Variants in PIK3R4 observed in about 807,000 individuals in gnomAD.
The protein encoded by PIK3R4 is phosphoinositide 3-kinase regulatory subunit 4.
Under a neutral mutation model 136.5 loss-of-function variants are expected in PIK3R4, and 46 were observed. That is an observed-to-expected ratio of 0.34 (90% confidence interval 0.27 to 0.43). The LOEUF is 0.43. Among genes scored for constraint, PIK3R4 ranks in the 20% least tolerant of loss-of-function variants. PIK3R4 has a pLI of 1.00. For synonymous variants in PIK3R4, 557 were observed against 566.7 expected, an observed-to-expected ratio of 0.98 and a Z score of 0.24; for missense variants, 1,331 against 1,649.5, an observed-to-expected ratio of 0.81 and a Z score of 3.35.
chr3:130,711,051 T>A (rs944826561), intron 9 of PIK3R4, among the ~76,000 whole-genome samples: 1 of 152,024 alleles, frequency 6.6e-6, no homozygotes, highest in African/African-American at 2.4e-5. Context: ...AGATGTTTTT[T>A]TCTACCAAAG....
chr3:130,705,518 G>A, intron 12 of PIK3R4, 43 bp downstream of exon 12: 1 of 1,240,116 alleles, frequency 8.1e-7, no homozygotes, highest in East Asian at 2.3e-5. Context: ...CTAGCCTTAA[G>A]CACCTAGACT....
intron 6 of PIK3R4, among the ~76,000 whole-genome samples, chr3:130,727,085 C>T (rs958728309): frequency 2.6e-5 from 4 of 152,130 alleles, no homozygotes; most frequent in African/African-American, 9.7e-5. Flanking sequence ...TAGAAAGTAC[C>T]CTTTCCTCCA....
chr3:130,740,309 C>T (rs537644030), intron 2 of PIK3R4, among the ~76,000 whole-genome samples: 2 of 152,242 alleles, frequency 1.3e-5, no homozygotes, highest in African/African-American at 2.4e-5. Flanking sequence ...TGTCCTGAAA[C>T]AGGCAAAATG....
chr3:130,685,927 C>T (rs1221353150), intron 15 of PIK3R4, among the ~76,000 whole-genome samples: 10 of 151,998 alleles, frequency 6.6e-5, no homozygotes, highest in Admixed American at 6.6e-4. Flanking sequence ...TAAGAGAATG[C>T]CAGCAAATCT....
In PIK3R4 at chr3:130,733,684, C is replaced by T. The variant is rs2107619631; in HGVS notation, c.1314G>A (p.Leu438=). 1.2e-6 allele frequency: 2 copies of T among 1,614,118 alleles called. No homozygotes were observed. The highest frequency in any genetic ancestry group is 1.6e-4 in the Middle Eastern group (1 of 6,062). ...GAGCAAGAACTTTGGTCAACGTCCT[C>T]AAGGCTTCAGCCCTCACCCTAGGAA... ...DSVPRVRAEA[L]RTLTKVLALV... The change falls in exon 4 of 20, where the codon TTG becomes TTA. Residue 438 remains leucine, a synonymous_variant. Coordinates refer to ENST00000356763, the MANE Select transcript of PIK3R4 (RefSeq NM_014602.3).
intron 7 of PIK3R4, among the ~76,000 whole-genome samples, chr3:130,722,165 T>C (rs2066704711): frequency 6.9e-6 from 1 of 144,910 alleles, no homozygotes; most frequent in Non-Finnish European, 1.5e-5. Flanking sequence ...TTTTTTACTT[T>C]TAAACAGTTT....
At chr3:130,691,233 C>T (rs2066516821) in intron 13 of PIK3R4, among the ~76,000 whole-genome samples, 1 of 152,110 alleles carries the variant, frequency 6.6e-6, no homozygotes, top group Non-Finnish European at 1.5e-5. Context: ...CACAGCTTGG[C>T]ACAGAAGGAA....
chr3:130,680,648 A>T lies in PIK3R4; in HGVS notation c.3871T>A (p.Tyr1291Asn), dbSNP rs1183416657. ...TCAGTGCCTTCAATTATTTTCCTGT[A>T]GTAGGACACAGATGGGGAACTAGTA... ...GSTSSPSVSY[Y>N]RKIIEGTEVV... Residue 1291 changes from tyrosine to asparagine, a missense_variant, in exon 19 of 20, where the codon TAC (tyrosine) becomes AAC (asparagine). Coordinates refer to ENST00000356763, the MANE Select transcript of PIK3R4 (RefSeq NM_014602.3). 1 of 1,611,850 alleles carries T rather than the reference A, an allele frequency of 6.2e-7. No homozygotes were observed. Among genetic ancestry groups the T allele is most frequent in the African/African-American group, 1.3e-5 (1 of 74,882 alleles).
chr3:130,735,675 T>C (rs1306163364), intron 3 of PIK3R4, among the ~76,000 whole-genome samples, 194 bp downstream of exon 3: 1 of 152,186 alleles, frequency 6.6e-6, no homozygotes, highest in Non-Finnish European at 1.5e-5. Flanking sequence ...TTAAGTCAAA[T>C]GAGCTCTGTG....
chr3:130,718,506 C>G lies in PIK3R4; in HGVS notation c.2010G>C (p.Trp670Cys), dbSNP rs2066679617. The G allele has an allele frequency of 6.2e-7, 1 of 1,613,582 alleles. No individual in the cohort carries two copies. The highest frequency in any genetic ancestry group is 1.7e-5 in the Admixed American group (1 of 59,978). ...TAAATCCCACGGCACCATAACGTATCCATAAATTGGGATGACACAGGAAGG... is the reference window on the plus strand; with the variant it reads ...TAAATCCCACGGCACCATAACGTATGCATAAATTGGGATGACACAGGAAGG... ...IAPFLCHPNL[W>C]IRYGAVGFIT... The change falls in exon 8 of 20, where the codon TGG becomes TGC. Residue 670 changes from tryptophan (W) to cysteine (C), a missense_variant. Around this residue, in one of 2 missense-constraint regions of PIK3R4, gnomAD observed 1,180 missense variants for 1,407.0 expected, o/e 0.84. Transcript: ENST00000356763.
chr3:130,744,419 C>A, intron 2 of PIK3R4, 67 bp downstream of exon 2: 1 of 1,496,146 alleles, frequency 6.7e-7, no homozygotes, highest in Non-Finnish European at 8.9e-7. Context: ...TAAAAAAAGC[C>A]ACATTTCTGT....
chr3:130,679,526 T>C, intron 19 of PIK3R4, 41 bp from the exon 20 acceptor site: 1 of 1,471,664 alleles, frequency 6.8e-7, no homozygotes, highest in Non-Finnish European at 9.4e-7. Flanking sequence ...AGGTTAAAAG[T>C]CTGTACCACA....
chr3:130,739,155 C>CAAG (rs1295119106), intron 2 of PIK3R4, among the ~76,000 whole-genome samples: 3 of 152,238 alleles, frequency 2.0e-5, no homozygotes, highest in Admixed American at 6.5e-5. Context: ...CAGCTCACTG[C>CAAG]AAGCTCCGCC....
At chr3:130,693,300 A>G (rs770237990) in intron 13 of PIK3R4, among the ~76,000 whole-genome samples, 8 of 152,184 alleles carry the variant, frequency 5.3e-5, no homozygotes, top group Non-Finnish European at 1.2e-4. Context: ...TATGTTTTCA[A>G]CTGTCTTGGG....
chr3:130,739,403 ACT>A (rs2066807512), intron 2 of PIK3R4, among the ~76,000 whole-genome samples: 1 of 151,258 alleles, frequency 6.6e-6, no homozygotes, highest in African/African-American at 2.4e-5. Flanking sequence ...ACAAGGTCTC[ACT>A]CTGTCACCCA....
chr3:130,705,570 G>C lies in PIK3R4; in HGVS notation c.2923C>G (p.Pro975Ala), dbSNP rs534497688. The part of the protein sequence containing the change: ...MENAEWESKP[P>A]PPGWRPKGLL... The stretch of plus-strand genomic sequence containing the variant: ...TCAACGGAACTTTTACCAGGTGGTG[G>C]TGGTTTACTCTCCCATTCAGCATTT... Residue 975 changes from proline (P) to alanine (A), a missense_variant, in exon 12 of 20, where the codon CCA (proline) becomes GCA (alanine). Pro to Ala is a conservative substitution (Grantham distance 27). This residue lies in a region of PIK3R4 where 1,180 missense variants were observed against 1,407.0 expected (regional missense o/e 0.84). Coordinates refer to ENST00000356763, the MANE Select transcript of PIK3R4 (RefSeq NM_014602.3). 1.2e-6 allele frequency: 2 copies of C among 1,608,092 alleles called. No homozygotes were observed. The highest frequency in any genetic ancestry group is 1.1e-5 in the South Asian group (1 of 90,874).
chr3:130,726,416 T>C (rs77003219), intron 6 of PIK3R4, among the ~76,000 whole-genome samples: 29,916 of 152,062 alleles, frequency 0.2, 3,180 homozygotes, highest in South Asian at 0.35. Context: ...ACAGGCACTA[T>C]TCTTATTTCC....
intron 13 of PIK3R4, 93 bp from the exon 14 acceptor site, chr3:130,690,747 T>C: frequency 2.8e-6 from 2 of 711,266 alleles, no homozygotes; most frequent in Non-Finnish European, 4.6e-6. Flanking sequence ...ATTATTACTT[T>C]GGGGTCCATT....
At chr3:130,694,108 C>T (rs185932745) in intron 13 of PIK3R4, among the ~76,000 whole-genome samples, 1 of 152,038 alleles carries the variant, frequency 6.6e-6, no homozygotes, top group African/African-American at 2.4e-5. Context: ...ATATATGACA[C>T]AGACATAGAC....
Sources: gnomAD v4.1 joint callset for allele counts (sites outside exome capture counted in the v4.1 genomes callset) on GRCh38, gnomAD v4.1.1 for gene constraint, gnomAD v4.1.1 regional missense constraint, MANE v1.5 for transcripts, NCBI Gene and HGNC (gene_info 2026-07-23, HGNC 2026-07-21) for gene names.